Variants in RALA observed in about 807,000 individuals in gnomAD.
The protein encoded by RALA is RAS like proto-oncogene A, also known as ras-related protein Ral-A.
Under a neutral mutation model 24.0 loss-of-function variants are expected in RALA, and 5 were observed. The ratio of observed to expected loss-of-function variants is 0.21; its 90% CI spans 0.11 to 0.44. The LOEUF (loss-of-function observed/expected upper bound fraction) is 0.44. Ranked by LOEUF, RALA falls within the 20% of genes least tolerant of loss-of-function variation. The pLI, the probability that RALA is intolerant of heterozygous loss-of-function variation, is 0.99. For missense variants in RALA, 95 were observed against 241.2 expected, an observed-to-expected ratio of 0.39 and a Z score of 4.01; for synonymous variants, 77 against 83.8, an observed-to-expected ratio of 0.92 and a Z score of 0.44.
intron 3 of RALA, among the ~76,000 whole-genome samples, chr7:39,694,896 GA>G (rs1386188515): frequency 6.7e-6 from 1 of 150,312 alleles, no homozygotes; most frequent in Non-Finnish European, 1.5e-5. Flanking sequence ...AAGAAAAAAA[GA>G]AAAAAAAATT....
chr7:39,685,083 C>T (rs1186659499), intron 1 of RALA, among the ~76,000 whole-genome samples: 5 of 152,068 alleles, frequency 3.3e-5, no homozygotes, highest in South Asian at 2.1e-4. Flanking sequence ...ATTACTTTGG[C>T]GCCAACCTAA....
At chr7:39,699,172 C>T (rs1328239195) in intron 4 of RALA, among the ~76,000 whole-genome samples, 5 of 110,320 alleles carry the variant, frequency 4.5e-5, no homozygotes, top group African/African-American at 6.9e-5. Context: ...CTCGCTCTGT[C>T]GCCCAGGCCG....
At chr7:39,702,887 A>T (rs1175884477) in intron 4 of RALA, 1 of 152,254 alleles carries the variant, frequency 6.6e-6, no homozygotes, top group African/African-American at 2.4e-5. Context: ...TTGTTAAATT[A>T]TACAGAATTA....
chr7:39,675,434 A>G (rs76659914), intron 1 of RALA, among the ~76,000 whole-genome samples: 177 of 152,318 alleles, frequency 1.2e-3, no homozygotes, highest in African/African-American at 4.2e-3. Context: ...TTCTTCTGTC[A>G]GTTAGGAAAA....
chr7:39,635,670 A>G (rs7806651), intron 1 of RALA, among the ~76,000 whole-genome samples: 85,557 of 151,912 alleles, frequency 0.56, 24,503 homozygotes, highest in Non-Finnish European at 0.61. Context: ...TTCCACTTCA[A>G]ATCATCAGGC....
chr7:39,684,320 T>G (rs965204686), intron 1 of RALA, among the ~76,000 whole-genome samples: 1 of 152,228 alleles, frequency 6.6e-6, no homozygotes, highest in Non-Finnish European at 1.5e-5. Context: ...AATGCATTTA[T>G]GTATATGTGA....
intron 1 of RALA, among the ~76,000 whole-genome samples, chr7:39,625,483 CGT>C (rs1791467395): frequency 6.6e-6 from 1 of 152,194 alleles, no homozygotes; most frequent in African/African-American, 2.4e-5. Context: ...GTTTGGATAA[CGT>C]GGTGCTTCCC....
intron 1 of RALA, among the ~76,000 whole-genome samples, chr7:39,653,666 C>A (rs1441191036): frequency 6.6e-6 from 1 of 152,086 alleles, no homozygotes; most frequent in Non-Finnish European, 1.5e-5. Flanking sequence ...CAGCAGAATT[C>A]TCCCTCACAA....
At chr7:39,658,537 A>C (rs1208570161) in intron 1 of RALA, among the ~76,000 whole-genome samples, 1 of 152,124 alleles carries the variant, frequency 6.6e-6, no homozygotes, top group African/African-American at 2.4e-5. Flanking sequence ...CACAGTGATG[A>C]TTTTTAACCA....
At chr7:39,639,857 T>C (rs1791750191) in intron 1 of RALA, among the ~76,000 whole-genome samples, 1 of 152,058 alleles carries the variant, frequency 6.6e-6, no homozygotes, top group Non-Finnish European at 1.5e-5. Context: ...CACTCAGACA[T>C]GGACAATTTA....
chr7:39,697,601 G>A (rs1319358366), intron 4 of RALA: 5 of 319,382 alleles, frequency 1.6e-5, no homozygotes, highest in African/African-American at 1.1e-4. Context: ...GCTCCAATAG[G>A]CAAAAGAACT....
At chr7:39,678,311 C>G (rs1055293512) in intron 1 of RALA, among the ~76,000 whole-genome samples, 14 of 152,008 alleles carry the variant, frequency 9.2e-5, no homozygotes, top group Non-Finnish European at 1.9e-4. Flanking sequence ...AAACGGGAAA[C>G]TAATACATTG....
intron 1 of RALA, among the ~76,000 whole-genome samples, chr7:39,673,050 T>C (rs1481418705): frequency 1.3e-5 from 2 of 152,160 alleles, no homozygotes; most frequent in Non-Finnish European, 2.9e-5. Context: ...TAGCTGATCA[T>C]GGTGGTGCAC....
At chr7:39,694,227 C>A (rs1273116009) in intron 3 of RALA, among the ~76,000 whole-genome samples, 1 of 152,092 alleles carries the variant, frequency 6.6e-6, no homozygotes, top group East Asian at 1.9e-4. Flanking sequence ...TTCTTAGAGT[C>A]CATAAAATAA....
At chr7:39,634,791 TG>T (rs1791658589) in intron 1 of RALA, among the ~76,000 whole-genome samples, 1 of 152,228 alleles carries the variant, frequency 6.6e-6, no homozygotes, top group Non-Finnish European at 1.5e-5. Flanking sequence ...TGCTATTTGT[TG>T]CCATTTGTTG....
chr7:39,627,303 A>G (rs897714938), intron 1 of RALA, among the ~76,000 whole-genome samples: 9 of 152,156 alleles, frequency 5.9e-5, no homozygotes, highest in African/African-American at 2.2e-4. Context: ...ATTTAATTAT[A>G]CGTGAAGGTG....
At chr7:39,686,321 C>T (rs1402797940) in intron 1 of RALA, among the ~76,000 whole-genome samples, 8 of 152,054 alleles carry the variant, frequency 5.3e-5, no homozygotes, top group African/African-American at 1.9e-4. Flanking sequence ...TATTGCAGTG[C>T]AGCTGATACC....
At chr7:39,691,300 CAA>C (rs1792814492) in intron 3 of RALA, among the ~76,000 whole-genome samples, 1 of 152,098 alleles carries the variant, frequency 6.6e-6, no homozygotes, top group Non-Finnish European at 1.5e-5. Flanking sequence ...ATGCATAAAT[CAA>C]GTGTTCTTTA....
chr7:39,630,524 A>G (rs1260626075), intron 1 of RALA, among the ~76,000 whole-genome samples: 1 of 152,088 alleles, frequency 6.6e-6, no homozygotes, highest in African/African-American at 2.4e-5. Context: ...TTGTTTTTAT[A>G]TAGTCAAATA....
Sources: allele counts gnomAD v4.1 joint callset (sites outside exome capture counted in the v4.1 genomes callset), GRCh38; gene constraint gnomAD v4.1.1; transcripts MANE v1.5; gene names NCBI Gene and HGNC (gene_info 2026-07-23, HGNC 2026-07-21).